The following DYM variants were observed in gnomAD, a reference collection of about 807,000 sequenced individuals.
The protein encoded by DYM is dyggve-Melchior-Clausen syndrome protein.
Under a neutral mutation model 93.1 loss-of-function variants are expected in DYM, and 78 were observed. That is an observed-to-expected ratio of 0.84 (90% CI 0.70 to 1.01). DYM has a LOEUF of 1.01. Ranked by LOEUF, DYM falls within the 50% of genes least tolerant of loss-of-function variation. The probability of loss-of-function intolerance (pLI) is 0.00; values close to 1 mark genes in which losing one functional copy is unlikely to be tolerated. For missense variants in DYM, 789 were observed against 845.0 expected (o/e 0.93, Z 0.82); for synonymous variants, 321 against 319.7 (o/e 1.00, Z -0.04).
intron 10 of DYM, among the ~76,000 whole-genome samples, chr18:49,275,292 A>C (rs574053277): frequency 6.6e-6 from 1 of 152,232 alleles, no homozygotes; most frequent in East Asian, 1.9e-4. Context: ...ATATGGGTTT[A>C]TTTCTAGACT....
chr18:49,321,886 G>C, intron 8 of DYM, among the ~76,000 whole-genome samples: 1 of 151,988 alleles, frequency 6.6e-6, no homozygotes, highest in Non-Finnish European at 1.5e-5. Context: ...GTTTTAATTA[G>C]AAATCTGTTA....
At chr18:49,269,622 G>C (rs866653886) in intron 11 of DYM, among the ~76,000 whole-genome samples, 19 of 152,162 alleles carry the variant, frequency 1.2e-4, no homozygotes, top group Middle Eastern at 6.8e-3. Flanking sequence ...ACAATGTTTT[G>C]GTCAATGCCA....
Position 49,257,063 on chromosome 18 carries a change from A to G in DYM, c.1407T>C (p.Asn469=). ...LHTNCLAALA[N]MSAQFRSLHQ... is the part of the protein sequence containing the mutation. ...GGAGAGAACGAAACTGTGCCGACAT[A>G]TTTGCTAAAGCTGCCAAACAATTTG... The change falls in exon 13 of 18, where the codon AAT becomes AAC. Residue 469 remains asparagine (N), a synonymous_variant. Transcript: ENST00000675505. 1 of 1,614,038 alleles carries G rather than the reference A, an allele frequency of 6.2e-7. No individual in the cohort carries two copies. Among genetic ancestry groups the G allele is most frequent in the Non-Finnish European group, 8.5e-7 (1 of 1,179,930 alleles).
At chr18:49,392,655 C>G (rs1490264372) in intron 2 of DYM, among the ~76,000 whole-genome samples, 3 of 140,250 alleles carry the variant, frequency 2.1e-5, no homozygotes, top group African/African-American at 8.0e-5. Context: ...AGATACTACT[C>G]CACACCCATT....
rs1035139773 is a variant in DYM, at chr18:49,289,531, G to A, written c.764-2915C>T. On this transcript the variant is annotated intron_variant, in intron 8 of 17. Coordinates refer to ENST00000675505, the MANE Select transcript of DYM (RefSeq NM_001353214.3). The stretch of plus-strand genomic sequence containing the variant: ...AGCCTGGGCAACACAGTGAGACCTT[G>A]TCTCTACAAATAATAATAATTAAAA... Among the ~76,000 whole-genome samples, 4 of 148,370 alleles carry A rather than the reference G, an allele frequency of 2.7e-5. No individual in the cohort carries two copies. In the South Asian group the frequency reaches 8.5e-4, roughly 32 times the overall value.
intron 3 of DYM, 55 bp from the exon 4 acceptor site, chr18:49,379,813 G>C: frequency 7.3e-7 from 1 of 1,374,754 alleles, no homozygotes; most frequent in Admixed American, 1.7e-5. Context: ...AAATCAAAGT[G>C]AGCTTATCAT....
chr18:49,392,681 TAA>T (rs869086187), intron 2 of DYM, among the ~76,000 whole-genome samples: 11,981 of 67,874 alleles, frequency 0.18, 890 homozygotes, highest in East Asian at 0.29. Flanking sequence ...GGCTTTTATT[TAA>T]AAAAAAAAAA....
At chr18:49,224,888 A>T (rs149733049) in intron 13 of DYM, among the ~76,000 whole-genome samples, 6 of 152,256 alleles carry the variant, frequency 3.9e-5, no homozygotes, top group Admixed American at 3.9e-4. Context: ...AAACTTTTAC[A>T]GAATTTTGAA....
chr18:49,251,707 G>T (rs2094291853), intron 13 of DYM, among the ~76,000 whole-genome samples: 1 of 152,140 alleles, frequency 6.6e-6, no homozygotes, highest in Admixed American at 6.5e-5. Flanking sequence ...TTACAGATGG[G>T]AAACTGCTGC....
At chr18:49,140,974 T>C (rs2084417154) in intron 15 of DYM, among the ~76,000 whole-genome samples, 1 of 152,182 alleles carries the variant, frequency 6.6e-6, no homozygotes, top group Non-Finnish European at 1.5e-5. Flanking sequence ...CCATGTATAG[T>C]TGTTCACTAT....
chr18:49,169,566 C>T (rs185088395), intron 14 of DYM, among the ~76,000 whole-genome samples: 44 of 152,242 alleles, frequency 2.9e-4, no homozygotes, highest in Non-Finnish European at 5.9e-4. Context: ...AAGTGATCAA[C>T]GCAAAACTGC....
chr18:49,227,532 G>A (rs2093574382), intron 13 of DYM, among the ~76,000 whole-genome samples: 1 of 152,122 alleles, frequency 6.6e-6, no homozygotes, highest in Non-Finnish European at 1.5e-5. Context: ...TTTTTCAGTT[G>A]TGGTCATGGA....
chr18:49,098,258 A>G (rs2079767554), intron 16 of DYM, among the ~76,000 whole-genome samples: 1 of 152,240 alleles, frequency 6.6e-6, no homozygotes, highest in African/African-American at 2.4e-5. Flanking sequence ...ATAGTCAGAC[A>G]TGCAAAAATA....
At chr18:49,358,258 C>T (rs943426050) in intron 6 of DYM, among the ~76,000 whole-genome samples, 1 of 152,118 alleles carries the variant, frequency 6.6e-6, no homozygotes, top group African/African-American at 2.4e-5. Context: ...GTCAGGGTGG[C>T]CATTTCTAAA....
intron 8 of DYM, among the ~76,000 whole-genome samples, chr18:49,295,146 T>C (rs2060442121): frequency 6.6e-6 from 1 of 152,120 alleles, no homozygotes; most frequent in African/African-American, 2.4e-5. Flanking sequence ...AACAAATACA[T>C]CTAAATCTTA....
At chr18:49,453,635 T>G (rs980457373) in intron 1 of DYM, among the ~76,000 whole-genome samples, 1 of 152,190 alleles carries the variant, frequency 6.6e-6, no homozygotes, top group African/African-American at 2.4e-5. Flanking sequence ...CCACCAATTC[T>G]GGACACAATA....
chr18:49,250,496 A>T (rs1403453088), intron 13 of DYM, among the ~76,000 whole-genome samples: 1 of 152,198 alleles, frequency 6.6e-6, no homozygotes, highest in Non-Finnish European at 1.5e-5. Flanking sequence ...TAGGCCAGAA[A>T]CTGACAGTGA....
At chr18:49,314,047 C>A (rs1371949212) in intron 8 of DYM, among the ~76,000 whole-genome samples, 2 of 152,178 alleles carry the variant, frequency 1.3e-5, no homozygotes, top group African/African-American at 2.4e-5. Flanking sequence ...CACCTGAGGT[C>A]AGGAGTTCAA....
chr18:49,125,298 T>C (rs1238955740), intron 15 of DYM, among the ~76,000 whole-genome samples: 1 of 152,154 alleles, frequency 6.6e-6, no homozygotes. Context: ...AATTTCAATA[T>C]AAAGAATCCC....
Sources: gnomAD v4.1 joint callset for allele counts (sites outside exome capture counted in the v4.1 genomes callset) on GRCh38, gnomAD v4.1.1 for gene constraint, MANE v1.5 for transcripts, NCBI Gene and HGNC (gene_info 2026-07-23, HGNC 2026-07-21) for gene names.